Variants in FGF12 observed in about 807,000 individuals in gnomAD.
FGF12 encodes fibroblast growth factor 12B.
In FGF12, 14 loss-of-function variants were observed where a neutral mutation model predicts 23.6. That is an observed-to-expected ratio of 0.59 (90% CI 0.39 to 0.93). The LOEUF (loss-of-function observed/expected upper bound fraction) is 0.93, where lower values mean the gene tolerates loss of function less well. FGF12 is among the 40% of genes least tolerant of loss of function. FGF12 has a pLI of 0.00. For synonymous variants in FGF12, 62 were observed against 77.3 expected, an observed-to-expected ratio of 0.80 and a Z score of 1.04; for missense variants, 175 against 217.8, an observed-to-expected ratio of 0.80 and a Z score of 1.24.
chr3:192,351,462 T>C (rs183199437), intron 3 of FGF12, among the ~76,000 whole-genome samples: 187 of 152,350 alleles, frequency 1.2e-3, no homozygotes, highest in African/African-American at 4.3e-3. Flanking sequence ...TAAAGTTCTG[T>C]TCTGTTATTT....
intron 2 of FGF12, among the ~76,000 whole-genome samples, chr3:192,611,366 T>C (rs536824170): frequency 1.3e-5 from 2 of 152,192 alleles, no homozygotes; most frequent in African/African-American, 4.8e-5. Flanking sequence ...TCAGGGATTG[T>C]CTTTTTAATT....
chr3:192,164,883 A>G (rs1488666049), intron 5 of FGF12, among the ~76,000 whole-genome samples: 1 of 152,194 alleles, frequency 6.6e-6, no homozygotes, highest in Admixed American at 6.5e-5. Flanking sequence ...TCGTTTTCTA[A>G]AAGTGTCATC....
At chr3:192,221,520 G>A (rs934286096) in intron 4 of FGF12, among the ~76,000 whole-genome samples, 1 of 152,130 alleles carries the variant, frequency 6.6e-6, no homozygotes, top group African/African-American at 2.4e-5. Flanking sequence ...AAACACCAGT[G>A]GTGCTGGAGG....
chr3:192,584,590 T>C (rs1467341546), intron 2 of FGF12, among the ~76,000 whole-genome samples: 5 of 152,148 alleles, frequency 3.3e-5, no homozygotes, highest in Admixed American at 2.0e-4. Flanking sequence ...CATACCAGAA[T>C]GTCAGCCACA....
chr3:192,508,319 GAAGA>G (rs1385252059), intron 2 of FGF12, among the ~76,000 whole-genome samples: 2 of 152,206 alleles, frequency 1.3e-5, no homozygotes, highest in Non-Finnish European at 2.9e-5. Flanking sequence ...AATGGCATCA[GAAGA>G]AATATTCAAA....
At chr3:192,506,625 G>C (rs1207173166) in intron 2 of FGF12, among the ~76,000 whole-genome samples, 2 of 152,160 alleles carry the variant, frequency 1.3e-5, no homozygotes, top group Non-Finnish European at 2.9e-5. Flanking sequence ...GCCCACCTCA[G>C]TCTCCCAAAG....
intron 2 of FGF12, among the ~76,000 whole-genome samples, chr3:192,675,527 A>G (rs1717298347): frequency 6.6e-6 from 1 of 152,168 alleles, no homozygotes; most frequent in African/African-American, 2.4e-5. Context: ...TATGGCTCTC[A>G]TCCTTAAAAC....
intron 2 of FGF12, among the ~76,000 whole-genome samples, chr3:192,609,302 C>T (rs778484459): frequency 5.3e-5 from 8 of 151,968 alleles, no homozygotes; most frequent in Non-Finnish European, 7.4e-5. Context: ...CAATCATAAA[C>T]GGGGGGTGAA....
intron 2 of FGF12, among the ~76,000 whole-genome samples, chr3:192,453,727 G>C (rs1249902996): frequency 6.6e-6 from 1 of 151,964 alleles, no homozygotes; most frequent in Non-Finnish European, 1.5e-5. Flanking sequence ...CTCTTGCTTG[G>C]CTTGGGCTCA....
intron 2 of FGF12, among the ~76,000 whole-genome samples, chr3:192,492,551 A>T (rs1048713417): frequency 6.6e-6 from 1 of 152,190 alleles, no homozygotes; most frequent in African/African-American, 2.4e-5. Flanking sequence ...AAATTATCTT[A>T]GTTGACACAC....
intron 2 of FGF12, among the ~76,000 whole-genome samples, chr3:192,575,638 G>T (rs13327633): frequency 0.2 from 30,323 of 151,878 alleles, 3,202 homozygotes; most frequent in Middle Eastern, 0.33. Flanking sequence ...CACTTAGCCA[G>T]TAGGGTTTGC....
chr3:192,621,661 T>C (rs1714978763), intron 2 of FGF12, among the ~76,000 whole-genome samples: 1 of 122,706 alleles, frequency 8.1e-6, no homozygotes, highest in Non-Finnish European at 1.6e-5. Context: ...AATTAAGTTT[T>C]CAGCAATATC....
At chr3:192,604,011 C>G (rs1444861506) in intron 2 of FGF12, among the ~76,000 whole-genome samples, 3 of 152,214 alleles carry the variant, frequency 2.0e-5, no homozygotes, top group East Asian at 1.9e-4. Context: ...GACCTCCCCC[C>G]AGGAATGAAT....
intron 2 of FGF12, among the ~76,000 whole-genome samples, chr3:192,463,767 TC>T (rs1722929214): frequency 2.0e-5 from 3 of 152,314 alleles, no homozygotes; most frequent in African/African-American, 7.2e-5. Flanking sequence ...TAGGATTTAG[TC>T]CCTTAACTCA....
chr3:192,503,885 T>G (rs1027566191), intron 2 of FGF12, among the ~76,000 whole-genome samples: 1 of 152,160 alleles, frequency 6.6e-6, no homozygotes, highest in African/African-American at 2.4e-5. Flanking sequence ...TAAAGACATA[T>G]GCATGTATAT....
chr3:192,148,153 C>T (rs769065793), intron 5 of FGF12, among the ~76,000 whole-genome samples: 3 of 152,154 alleles, frequency 2.0e-5, no homozygotes, highest in Non-Finnish European at 4.4e-5. Context: ...CAGCATCTAT[C>T]TGTACATCCA....
chr3:192,342,730 T>G (rs921871141), intron 3 of FGF12, among the ~76,000 whole-genome samples: 1 of 152,026 alleles, frequency 6.6e-6, no homozygotes, highest in Admixed American at 6.6e-5. Context: ...TAAGCCATGA[T>G]TGCACCACTC....
chr3:192,540,012 G>C (rs1351128163), intron 2 of FGF12, among the ~76,000 whole-genome samples: 2 of 151,776 alleles, frequency 1.3e-5, no homozygotes, highest in Non-Finnish European at 2.9e-5. Flanking sequence ...TTTCACCTCT[G>C]ATTTTTTTGG....
intron 5 of FGF12, among the ~76,000 whole-genome samples, chr3:192,162,414 T>C (rs1242263349): frequency 6.6e-6 from 1 of 151,954 alleles, no homozygotes; most frequent in Admixed American, 6.6e-5. Flanking sequence ...AAAAGCAATA[T>C]TTGCAATGAG....
Sources: gnomAD v4.1 joint callset for allele counts (sites outside exome capture counted in the v4.1 genomes callset) on GRCh38, gnomAD v4.1.1 for gene constraint, MANE v1.5 for transcripts, NCBI Gene and HGNC (gene_info 2026-07-23, HGNC 2026-07-21) for gene names.